SEMA3A: variants seen among roughly 807,000 people sequenced by gnomAD.
SEMA3A encodes the protein semaphorin-3A.
SEMA3A carries 29 observed loss-of-function variants against 97.9 expected under a neutral mutation model. That is an observed-to-expected ratio of 0.30 (90% CI 0.22 to 0.40). The LOEUF (loss-of-function observed/expected upper bound fraction) is 0.40. SEMA3A is among the 10% of genes least tolerant of loss of function. SEMA3A has a pLI of 1.00. For missense variants in SEMA3A, 763 were observed against 951.3 expected, an observed-to-expected ratio of 0.80 and a Z score of 2.60; for synonymous variants, 321 against 323.7, an observed-to-expected ratio of 0.99 and a Z score of 0.09.
intron 4 of SEMA3A, among the ~76,000 whole-genome samples, chr7:84,096,445 G>A (rs1794775961): frequency 6.6e-6 from 1 of 151,908 alleles, no homozygotes; most frequent in Admixed American, 6.6e-5. Flanking sequence ...ATATATTGTT[G>A]AGCTTTGTGT....
intron 1 of SEMA3A, among the ~76,000 whole-genome samples, chr7:84,186,674 T>C (rs986268277): frequency 2.6e-5 from 4 of 152,066 alleles, no homozygotes; most frequent in African/African-American, 9.7e-5. Flanking sequence ...CTATGATTTG[T>C]ACATAATAAC....
chr7:84,424,930 TTTA>T (rs1562943182), intron 1 of SEMA3A, among the ~76,000 whole-genome samples: 3 of 100,024 alleles, frequency 3.0e-5, no homozygotes, highest in African/African-American at 1.2e-4. Context: ...TATATTTATA[TTTA>T]TATAAATATA....
At chr7:83,998,482 C>T (rs907431652) in intron 12 of SEMA3A, among the ~76,000 whole-genome samples, 2 of 152,128 alleles carry the variant, frequency 1.3e-5, no homozygotes, top group Non-Finnish European at 2.9e-5. Flanking sequence ...TTGGTCAAGT[C>T]AGTCAGTGAG....
At chr7:84,252,351 G>A (rs749909295) in intron 3 of SEMA3A, among the ~76,000 whole-genome samples, 5 of 152,242 alleles carry the variant, frequency 3.3e-5, no homozygotes, top group South Asian at 2.1e-4. Context: ...AAAACAATTC[G>A]TAGTCAAATA....
chr7:84,277,001 C>G (rs1800314624), intron 3 of SEMA3A, among the ~76,000 whole-genome samples: 1 of 152,010 alleles, frequency 6.6e-6, no homozygotes, highest in African/African-American at 2.4e-5. Context: ...AATTCCAAGT[C>G]AAATTTATGG....
At chr7:84,151,461 G>C (rs573240344) in intron 1 of SEMA3A, among the ~76,000 whole-genome samples, 1 of 151,938 alleles carries the variant, frequency 6.6e-6, no homozygotes, top group African/African-American at 2.4e-5. Context: ...CTCAGGAGCC[G>C]ATGCGATCAA....
chr7:83,985,304 T>A (rs17246251), intron 13 of SEMA3A, 132 bp downstream of exon 13: 15 of 631,702 alleles, frequency 2.4e-5, no homozygotes, highest in African/African-American at 2.3e-4. Flanking sequence ...ATTGTAAGAA[T>A]GATATTTGTT....
chr7:84,136,960 A>AGAAGGAAG (rs201748268), intron 1 of SEMA3A, among the ~76,000 whole-genome samples: 6,706 of 140,962 alleles, frequency 0.048, 198 homozygotes, highest in African/African-American at 0.065. Flanking sequence ...GAGGGAGGGA[A>AGAAGGAAG]GAAGGAAGGA....
At chr7:84,055,901 A>G (rs1792954324) in intron 5 of SEMA3A, among the ~76,000 whole-genome samples, 1 of 152,226 alleles carries the variant, frequency 6.6e-6, no homozygotes, top group Non-Finnish European at 1.5e-5. Flanking sequence ...TACTAAGCCA[A>G]TTGTGAAAGA....
At chr7:84,064,999 A>T (rs1334267326) in intron 4 of SEMA3A, among the ~76,000 whole-genome samples, 2 of 152,200 alleles carry the variant, frequency 1.3e-5, no homozygotes, top group Non-Finnish European at 2.9e-5. Flanking sequence ...CCTATTCCAA[A>T]ATTGACCACA....
intron 1 of SEMA3A, among the ~76,000 whole-genome samples, chr7:84,149,018 T>G (rs980572612): frequency 1.3e-5 from 2 of 152,314 alleles, no homozygotes; most frequent in African/African-American, 4.8e-5. Context: ...ATGTGGATTT[T>G]TGACTGCACA....
intron 5 of SEMA3A, among the ~76,000 whole-genome samples, chr7:84,054,147 T>A (rs1197452567): frequency 1.2e-4 from 18 of 152,216 alleles, no homozygotes; most frequent in Non-Finnish European, 7.4e-5. Flanking sequence ...CCCTTAATAT[T>A]TTTTCCTTCA....
intron 4 of SEMA3A, among the ~76,000 whole-genome samples, chr7:84,063,981 G>A (rs1423910319): frequency 1.3e-4 from 20 of 151,072 alleles, no homozygotes; most frequent in Non-Finnish European, 1.5e-5. Context: ...ATTCACCAAA[G>A]TTGAAATGAA....
At chr7:84,433,115 T>C (rs1222877334) in intron 1 of SEMA3A, among the ~76,000 whole-genome samples, 1 of 151,924 alleles carries the variant, frequency 6.6e-6, no homozygotes, top group Non-Finnish European at 1.5e-5. Flanking sequence ...CTGGGGTAAA[T>C]GTGCAGAACG....
chr7:84,027,431 T>C (rs139821957), intron 6 of SEMA3A, among the ~76,000 whole-genome samples: 2,504 of 152,280 alleles, frequency 0.016, 40 homozygotes, highest in Non-Finnish European at 0.022. Flanking sequence ...TATAATACAG[T>C]ATTTTGTTGG....
At chr7:84,232,042 ATG>A (rs1799127553) in intron 3 of SEMA3A, among the ~76,000 whole-genome samples, 2 of 151,378 alleles carry the variant, frequency 1.3e-5, no homozygotes, top group Admixed American at 6.6e-5. Flanking sequence ...ATATGTATGC[ATG>A]TGTGTGTGTT....
At chr7:84,442,202 T>C (rs953805374) in intron 1 of SEMA3A, among the ~76,000 whole-genome samples, 3 of 152,178 alleles carry the variant, frequency 2.0e-5, no homozygotes, top group Non-Finnish European at 4.4e-5. Context: ...ACTAATGTCA[T>C]TGTAACTTTG....
At chr7:84,009,905 CAA>C (rs3074687) in intron 9 of SEMA3A, among the ~76,000 whole-genome samples, 15,436 of 90,934 alleles carry the variant, frequency 0.17, 320 homozygotes, top group Middle Eastern at 0.26. Flanking sequence ...ACACTGGTTA[CAA>C]AAAAAAAAAA....
At chr7:83,999,904 C>G (rs888007390) in intron 12 of SEMA3A, among the ~76,000 whole-genome samples, 4 of 152,086 alleles carry the variant, frequency 2.6e-5, no homozygotes, top group African/African-American at 7.2e-5. Flanking sequence ...AGGATGATAA[C>G]TTGTGACTGT....
Sources: gnomAD v4.1 joint callset for allele counts (sites outside exome capture counted in the v4.1 genomes callset) on GRCh38, gnomAD v4.1.1 for gene constraint, MANE v1.5 for transcripts, NCBI Gene and HGNC (gene_info 2026-07-23, HGNC 2026-07-21) for gene names.